The following ERICH1 variants were observed in gnomAD, a reference collection of about 807,000 sequenced individuals.
ERICH1 encodes the protein glutamate-rich protein 1.
ERICH1 carries 56 observed loss-of-function variants against 39.6 expected under a neutral mutation model. The observed-to-expected ratio is 1.41, with a 90% CI of 1.14 to 1.77. The LOEUF (loss-of-function observed/expected upper bound fraction) is 1.77, where lower values mean the gene tolerates loss of function less well. Ranked by LOEUF, ERICH1 falls within the 40% of genes most tolerant of loss-of-function variation. The probability of loss-of-function intolerance (pLI) is 0.00; values close to 1 mark genes in which losing one functional copy is unlikely to be tolerated. For synonymous variants in ERICH1, 313 were observed against 223.6 expected, an observed-to-expected ratio of 1.40 and a Z score of -3.57; for missense variants, 826 against 575.4, an observed-to-expected ratio of 1.44 and a Z score of -4.45.
intron 3 of ERICH1, among the ~76,000 whole-genome samples, chr8:653,477 C>G (rs1800233241): frequency 1.3e-5 from 2 of 152,212 alleles, no homozygotes. Flanking sequence ...ACCAATCCAG[C>G]TGTTCTGTAC....
chr8:728,872 A>C (rs1437982387), intron 1 of ERICH1, among the ~76,000 whole-genome samples: 1 of 152,220 alleles, frequency 6.6e-6, no homozygotes, highest in Non-Finnish European at 1.5e-5. Context: ...TGTTACAGGG[A>C]AACTGTCACA....
chr8:718,616 T>C (rs1816579800), intron 1 of ERICH1, among the ~76,000 whole-genome samples: 1 of 151,688 alleles, frequency 6.6e-6, no homozygotes, highest in Non-Finnish European at 1.5e-5. Context: ...CTGACAGGGG[T>C]TTCTCAGGGA....
chr8:706,271 T>G (rs12375293), intron 2 of ERICH1, among the ~76,000 whole-genome samples: 32,532 of 152,196 alleles, frequency 0.21, 4,330 homozygotes, highest in Non-Finnish European at 0.3. Context: ...GCTAATAAAC[T>G]AGTTAGGCAA....
chr8:645,412 GATT>G (rs1411294384), intron 3 of ERICH1, among the ~76,000 whole-genome samples: 3 of 69,250 alleles, frequency 4.3e-5, no homozygotes, highest in African/African-American at 1.1e-4. Flanking sequence ...AAGATACTTT[GATT>G]ATTTAGAAAA....
chr8:670,854 G>A (rs576542178), intron 4 of ERICH1, among the ~76,000 whole-genome samples: 21 of 151,592 alleles, frequency 1.4e-4, no homozygotes, highest in Non-Finnish European at 2.9e-4. Flanking sequence ...ACTGGCCCCT[G>A]CTTCGACCTC....
intron 4 of ERICH1, 57 bp from the exon 5 acceptor site, chr8:668,849 A>C (rs1802710632): frequency 1.3e-6 from 2 of 1,485,024 alleles, no homozygotes; most frequent in Non-Finnish European, 1.8e-6. Flanking sequence ...CTATAAACTA[A>C]AGATAAGCTT....
At position 692,625 on chromosome 8, in the gene ERICH1, AG is replaced by A. The variant is rs773428861; in HGVS notation, c.170-14del. On this transcript the variant is annotated splice_polypyrimidine_tract_variant and intron_variant, in intron 2 of 5. Coordinates refer to ENST00000262109, the MANE Select transcript of ERICH1 (RefSeq NM_207332.3). The stretch of plus-strand genomic sequence containing the variant: ...TCAGAGCCAGTGTCTGCAACACAGG[AG>A]GAAAATAACAGGAACTGGTAAATAT... The A allele has an allele frequency of 1.2e-5, 19 of 1,565,126 alleles. No individual in the cohort carries two copies. Among genetic ancestry groups the A allele is most frequent in the Non-Finnish European group, 1.5e-5 (17 of 1,154,678 alleles).
intron 3 of ERICH1, among the ~76,000 whole-genome samples, chr8:654,687 G>A (rs1010516314): frequency 3.9e-5 from 6 of 152,106 alleles, no homozygotes; most frequent in Non-Finnish European, 7.3e-5. Flanking sequence ...TGACGTCCCC[G>A]AGGCCACCAC....
chr8:729,565 T>A (rs943127433), intron 1 of ERICH1, among the ~76,000 whole-genome samples: 1 of 152,260 alleles, frequency 6.6e-6, no homozygotes, highest in African/African-American at 2.4e-5. Flanking sequence ...ACTCAGCCGA[T>A]GGGCTCTTCA....
intron 3 of ERICH1, among the ~76,000 whole-genome samples, chr8:649,862 C>A (rs1021625067): frequency 6.6e-6 from 1 of 152,242 alleles, no homozygotes; most frequent in African/African-American, 2.4e-5. Flanking sequence ...CCAGGAATCG[C>A]TGTCAGGGCT....
chr8:653,448 A>G (rs1343631192), intron 3 of ERICH1, among the ~76,000 whole-genome samples: 3 of 152,248 alleles, frequency 2.0e-5, no homozygotes, highest in Non-Finnish European at 2.9e-5. Flanking sequence ...TGTTCCAATA[A>G]GGCAAATGCC....
chr8:650,603 CG>C (rs1799821069), intron 3 of ERICH1, among the ~76,000 whole-genome samples: 1 of 152,198 alleles, frequency 6.6e-6, no homozygotes, highest in African/African-American at 2.4e-5. Flanking sequence ...AGGGAGGAAC[CG>C]GTGTCAACGC....
rs1486406297 is a variant in ERICH1, at chr8:693,099, C to G, written c.170-487G>C. On this transcript the variant is annotated intron_variant, in intron 2 of 5. Transcript: ENST00000262109. ...CACACACAACAGACACACATGCAGA[C>G]ACACAAACATCCACAAAACACACAG... Among the ~76,000 whole-genome samples the G allele has an allele frequency of 2.6e-5, 4 of 151,848 alleles. No homozygotes were observed. In the East Asian group the frequency reaches 5.8e-4, roughly 22 times the overall value.
intron 3 of ERICH1, among the ~76,000 whole-genome samples, chr8:690,123 A>T (rs1409219018): frequency 2.6e-5 from 4 of 152,180 alleles, no homozygotes; most frequent in Admixed American, 1.3e-4. Context: ...TTCTGTCTAG[A>T]GCCAAGACCC....
At chr8:661,151 A>G (rs1167773089), downstream of ERICH1, among the ~76,000 whole-genome samples, 2 of 152,046 alleles carry the variant, frequency 1.3e-5, no homozygotes, top group Admixed American at 6.6e-5. Flanking sequence ...ATGCATGCAC[A>G]TTTCTTATTT....
At chr8:710,612 A>C (rs1242628516) in intron 2 of ERICH1, among the ~76,000 whole-genome samples, 2 of 152,190 alleles carry the variant, frequency 1.3e-5, no homozygotes, top group East Asian at 3.8e-4. Context: ...AGTGTTACAG[A>C]GTTGGAATTG....
intron 3 of ERICH1, among the ~76,000 whole-genome samples, chr8:657,104 T>G (rs772041120): frequency 3.3e-5 from 5 of 152,226 alleles, no homozygotes; most frequent in Non-Finnish European, 7.3e-5. Flanking sequence ...TTCTTAAAGG[T>G]TGGTTGCAAT....
At chr8:614,887 T>G in exon 4 of ERICH1, 1 of 223,736 alleles carries the variant, frequency 4.5e-6, no homozygotes, top group Non-Finnish European at 8.6e-6. Context: ...ACCCAGCCAA[T>G]TAGGTTCCTC....
intron 2 of ERICH1, among the ~76,000 whole-genome samples, chr8:707,615 CTCTACCTCACACCATACACAACA>C: frequency 6.6e-6 from 1 of 152,188 alleles, no homozygotes; most frequent in East Asian, 1.9e-4. Flanking sequence ...GAAGTTGGAA[CTCTACCTCACACCATACACAACA>C]TCAGCTGAAA....
Sources: allele counts gnomAD v4.1 joint callset (sites outside exome capture counted in the v4.1 genomes callset), GRCh38; gene constraint gnomAD v4.1.1; transcripts MANE v1.5; gene names NCBI Gene and HGNC (gene_info 2026-07-23, HGNC 2026-07-21).